Variants in SEC16B observed in about 807,000 individuals in gnomAD.
SEC16B encodes protein transport protein Sec16B.
SEC16B carries 115 observed loss-of-function variants against 141.8 expected under a neutral mutation model. The ratio of observed to expected loss-of-function variants is 0.81; its 90% CI spans 0.70 to 0.95. SEC16B has a LOEUF of 0.95. Among genes scored for constraint, SEC16B ranks in the 40% least tolerant of loss-of-function variants. SEC16B has a pLI of 0.00. For synonymous variants in SEC16B, 493 were observed against 492.5 expected (o/e 1.00, Z -0.01); for missense variants, 1,291 against 1,312.3 (o/e 0.98, Z 0.25).
At chr1:177,934,498 T>A (rs1263207009) in intron 20 of SEC16B, among the ~76,000 whole-genome samples, 2 of 152,278 alleles carry the variant, frequency 1.3e-5, no homozygotes, top group Non-Finnish European at 2.9e-5. Flanking sequence ...CTTTATTTTT[T>A]ATTCAAATGA....
At chr1:177,966,719 C>T (rs1034984794) in intron 2 of SEC16B, among the ~76,000 whole-genome samples, 7 of 151,946 alleles carry the variant, frequency 4.6e-5, no homozygotes, top group African/African-American at 9.7e-5. Flanking sequence ...TGCACCACCG[C>T]GCCCAGCTAA....
At position 177,944,708 on chromosome 1, in the gene SEC16B, G is replaced by C. The variant is rs142565481; in HGVS notation, c.1776-42C>G. 64 of 1,521,040 alleles carry C rather than the reference G, an allele frequency of 4.2e-5. No individual in the cohort carries two copies. In the African/African-American group the frequency reaches 7.4e-4, roughly 18 times the overall value. 94.2% of individuals were successfully genotyped at this position (1,521,040 alleles called of 1,614,324 possible). A position where few individuals can be genotyped will look rare whatever the true frequency, so the allele number is the denominator to read the frequency against. The stretch of plus-strand genomic sequence containing the variant: ...ACAATAAAAGAGATTGAGGTGTGGG[G>C]GACGCAGGAGTTAAATCCTAGTGGC... On this transcript the variant is annotated intron_variant, in intron 14 of 25. Transcript: ENST00000308284.
At chr1:177,984,083 G>A (rs1408019669) in intron 1 of SEC16B, 1 of 152,166 alleles carries the variant, frequency 6.6e-6, no homozygotes, top group Non-Finnish European at 1.5e-5. Context: ...TTCTGGTTGA[G>A]ACCAAATGCT....
chr1:177,940,029 A>C (rs1651160504), intron 17 of SEC16B, among the ~76,000 whole-genome samples: 1 of 152,146 alleles, frequency 6.6e-6, no homozygotes, highest in African/African-American at 2.4e-5. Context: ...GGAAAGAACT[A>C]AACTGTAGGC....
intron 20 of SEC16B, among the ~76,000 whole-genome samples, chr1:177,934,753 A>G (rs1471976670): frequency 6.6e-6 from 1 of 152,142 alleles, no homozygotes; most frequent in East Asian, 1.9e-4. Context: ...ATGATTCAAG[A>G]CATAGACAAG....
Position 177,969,854 on chromosome 1 carries a change from G to A in SEC16B, c.-59+30C>T, listed in dbSNP as rs189856109. 9 of 152,276 alleles carry A rather than the reference G, an allele frequency of 5.9e-5. No homozygotes were observed. The East Asian group carries it at 9.7e-4, about 16-fold the overall frequency. The allele number at this position is 152,276 out of a possible 1,614,324, so 9.4% of individuals were successfully genotyped here. A position where few individuals can be genotyped will look rare whatever the true frequency, so the allele number is the denominator to read the frequency against. ...GCACAGCACGTCCAGCTCAAAGAGG[G>A]GAAAGAAGGGAGCGAGTGTTCCCAC... is the stretch of plus-strand genomic sequence containing the variant. On this transcript the variant is annotated intron_variant, in intron 1 of 25. Coordinates refer to ENST00000308284, the MANE Select transcript of SEC16B (RefSeq NM_033127.4).
intron 1 of SEC16B, among the ~76,000 whole-genome samples, chr1:177,983,993 C>G (rs1194061551): frequency 6.6e-6 from 1 of 152,164 alleles, no homozygotes; most frequent in Admixed American, 6.5e-5. Flanking sequence ...TTAGCCACAG[C>G]TGAAGTTAGT....
At chr1:177,962,264 G>T (rs1282961880) in intron 5 of SEC16B, among the ~76,000 whole-genome samples, 1 of 151,884 alleles carries the variant, frequency 6.6e-6, no homozygotes, top group Non-Finnish European at 1.5e-5. Context: ...TAGAGATGGG[G>T]TTTCACCATG....
intron 1 of SEC16B, among the ~76,000 whole-genome samples, chr1:177,977,248 C>G (rs1654203701): frequency 6.6e-6 from 1 of 152,116 alleles, no homozygotes; most frequent in African/African-American, 2.4e-5. Flanking sequence ...GAGAGATGCA[C>G]TCTAAACAGA....
chr1:177,937,028 G>A (rs1471715838), intron 19 of SEC16B, among the ~76,000 whole-genome samples, 186 bp downstream of exon 19: 2 of 152,108 alleles, frequency 1.3e-5, no homozygotes, highest in South Asian at 2.1e-4. Context: ...TCCTTCAGAT[G>A]TATGCAAAGC....
chr1:177,941,667 A>G (rs115461320), intron 16 of SEC16B, among the ~76,000 whole-genome samples: 3,319 of 152,320 alleles, frequency 0.022, 60 homozygotes, highest in East Asian at 0.065. Context: ...TAACACACAC[A>G]TGGTTTCCAG....
rs138152565 is a variant in SEC16B at position 177,975,370 on chromosome 1, T to C, written c.-58-7331A>G. Among the ~76,000 whole-genome samples the C allele has an allele frequency of 6.7e-3, 1,013 of 152,284 alleles. 12 individuals carry two copies. The highest frequency in any genetic ancestry group is 0.023 in the African/African-American group (955 of 41,534). ...AGCAACAGCTTATACTGTATGACTG[T>C]ACCCAATAGTTTTCATAGCCTGAGT... On this transcript the variant is annotated intron_variant and NMD_transcript_variant, in intron 1 of 24. Transcript: ENST00000528461.
Position 177,933,081 on chromosome 1 carries a change from C to A in SEC16B, c.2823+133G>T, listed in dbSNP as rs938626503. The A allele has an allele frequency of 1.5e-5, 11 of 726,496 alleles. No individual in the cohort carries two copies. In the African/African-American group the frequency reaches 2.0e-4, roughly 13 times the overall value. 45.0% of individuals were successfully genotyped at this position (726,496 alleles called of 1,614,324 possible). On this transcript the variant is annotated intron_variant, in intron 22 of 25. Transcript: ENST00000308284. ...AGGACCCATTCATTTCCCACCATAT[C>A]CCATCACAAAACCTCTGTCTCATGT...
chr1:177,953,698 C>T (rs1055492966), intron 11 of SEC16B, among the ~76,000 whole-genome samples: 4 of 152,192 alleles, frequency 2.6e-5, no homozygotes, highest in East Asian at 1.9e-4. Context: ...TCCTGGTCCA[C>T]GCTGGCACCC....
intron 14 of SEC16B, chr1:177,946,108 T>C: frequency 1.8e-6 from 1 of 567,098 alleles, no homozygotes; most frequent in East Asian, 2.9e-5. Flanking sequence ...TGTTGTTTTT[T>C]TAAAGGAACA....
intron 12 of SEC16B, 52 bp from the exon 13 acceptor site, chr1:177,947,994 G>A (rs919008976): frequency 7.4e-7 from 1 of 1,355,032 alleles, no homozygotes; most frequent in Non-Finnish European, 1.0e-6. Context: ...ATGGCCAGAT[G>A]TACATAAAGA....
chr1:177,934,147 T>G (rs535787009), intron 20 of SEC16B, among the ~76,000 whole-genome samples: 59 of 151,630 alleles, frequency 3.9e-4, no homozygotes, highest in Middle Eastern at 3.4e-3. Context: ...TTTTTTTTTT[T>G]TGTGGTAAGA....
intron 10 of SEC16B, among the ~76,000 whole-genome samples, chr1:177,955,839 T>C (rs934724314): frequency 4.5e-4 from 69 of 152,240 alleles, no homozygotes; most frequent in African/African-American, 1.7e-3. Context: ...TTATCTTACA[T>C]ATATTCTCTC....
At chr1:177,933,442 C>A (rs1245889218) in intron 21 of SEC16B, 42 bp downstream of exon 21, 1 of 1,598,814 alleles carries the variant, frequency 6.3e-7, no homozygotes, top group Non-Finnish European at 8.5e-7. Context: ...AAGGGAATGG[C>A]AGGGGAAGGA....
Sources: gnomAD v4.1 joint callset for allele counts (sites outside exome capture counted in the v4.1 genomes callset) on GRCh38, gnomAD v4.1.1 for gene constraint, MANE v1.5 for transcripts, NCBI Gene and HGNC (gene_info 2026-07-23, HGNC 2026-07-21) for gene names.